Variants in POTEI observed in about 807,000 individuals in gnomAD.
The protein encoded by POTEI is POTE ankyrin domain family member I, also known as POTE ankyrin domain family, member I.
Under a neutral mutation model 43.4 loss-of-function variants are expected in POTEI, and 14 were observed. The observed-to-expected ratio is 0.32, with a 90% CI of 0.21 to 0.50. POTEI has a LOEUF of 0.50. Ranked by LOEUF, POTEI falls within the 20% of genes least tolerant of loss-of-function variation. The pLI, the probability that POTEI is intolerant of heterozygous loss-of-function variation, is 0.98. For synonymous variants in POTEI, 95 were observed against 297.9 expected, an observed-to-expected ratio of 0.32 and a Z score of 7.01; for missense variants, 235 against 795.4, an observed-to-expected ratio of 0.30 and a Z score of 8.47.
upstream of POTEI, chr2:130,509,537 G>A: frequency 1.3e-5 from 2 of 157,122 alleles, no homozygotes; most frequent in Non-Finnish European, 2.2e-5. Flanking sequence ...GCAAGGGAAC[G>A]CGAGAGAGGA....
At chr2:130,506,983 C>A (rs1420821597) in intron 1 of POTEI, among the ~76,000 whole-genome samples, 2 of 143,830 alleles carry the variant, frequency 1.4e-5, no homozygotes, top group Non-Finnish European at 3.1e-5. Flanking sequence ...TGCATATATA[C>A]ACCAGGCACG....
chr2:130,477,705 T>C (rs1297499339), intron 10 of POTEI, among the ~76,000 whole-genome samples: 1 of 134,226 alleles, frequency 7.5e-6, no homozygotes, highest in East Asian at 2.7e-4. Flanking sequence ...GCTAAATACA[T>C]GCTAGGCATT....
chr2:130,493,022 T>C (rs1161930441), intron 6 of POTEI, among the ~76,000 whole-genome samples: 4 of 143,254 alleles, frequency 2.8e-5, no homozygotes, highest in Non-Finnish European at 3.1e-5. Context: ...TATATATTGC[T>C]TTGTTTAAAG....
At chr2:130,467,597 C>A (rs1468178493) in intron 13 of POTEI, among the ~76,000 whole-genome samples, 3 of 148,710 alleles carry the variant, frequency 2.0e-5, no homozygotes, top group Admixed American at 2.0e-4. Flanking sequence ...AAAGCAAATC[C>A]AACAAAAATG....
At chr2:130,468,335 A>G (rs1456421286) in intron 13 of POTEI, among the ~76,000 whole-genome samples, 3 of 151,816 alleles carry the variant, frequency 2.0e-5, no homozygotes, top group African/African-American at 7.3e-5. Flanking sequence ...ATACATATGT[A>G]CATAGCTGAG....
intron 1 of POTEI, among the ~76,000 whole-genome samples, chr2:130,504,804 T>C (rs1684107631): frequency 6.8e-6 from 1 of 146,722 alleles, no homozygotes; most frequent in Middle Eastern, 3.4e-3. Context: ...CACTTAGATT[T>C]ATACAATGTA....
At chr2:130,478,338 C>G (rs1331026623) in intron 10 of POTEI, among the ~76,000 whole-genome samples, 1 of 24,308 alleles carries the variant, frequency 4.1e-5, no homozygotes, top group African/African-American at 1.9e-4. Flanking sequence ...GAATTCAGAG[C>G]TGTGAAAATA....
chr2:130,484,272 C>T (rs977738295), intron 9 of POTEI, among the ~76,000 whole-genome samples: 1 of 149,310 alleles, frequency 6.7e-6, no homozygotes, highest in Admixed American at 6.7e-5. Flanking sequence ...ATAAGGTTAA[C>T]AGCGCTGATG....
At chr2:130,482,412 T>C (rs1413805032) in intron 9 of POTEI, among the ~76,000 whole-genome samples, 4 of 150,592 alleles carry the variant, frequency 2.7e-5, no homozygotes, top group East Asian at 1.9e-4. Context: ...CTCTTAGGCT[T>C]AATGTCTTCT....
chr2:130,468,235 GAATA>G (rs1682911369), intron 13 of POTEI, among the ~76,000 whole-genome samples: 1 of 140,114 alleles, frequency 7.1e-6, no homozygotes, highest in African/African-American at 2.6e-5. Flanking sequence ...CTGATGAGTG[GAATA>G]AAGAAAATGG....
chr2:130,478,667 C>G, intron 10 of POTEI, among the ~76,000 whole-genome samples: 1 of 126,752 alleles, frequency 7.9e-6, no homozygotes, highest in East Asian at 2.2e-4. Context: ...TCATATGCTC[C>G]TTGCTCTTTC....
chr2:130,507,292 A>ATATATATATATATATG, intron 1 of POTEI, among the ~76,000 whole-genome samples: 7 of 9,930 alleles, frequency 7.0e-4, no homozygotes, highest in African/African-American at 8.3e-4. Flanking sequence ...ATATATATAT[A>ATATATATATATATATG]TATATATATA....
intron 1 of POTEI, among the ~76,000 whole-genome samples, chr2:130,507,388 A>ATATATG (rs1553470928): frequency 6.2e-3 from 13 of 2,094 alleles, no homozygotes; most frequent in East Asian, 0.5. Flanking sequence ...ATACATATGT[A>ATATATG]TATATATGTA....
Position 130,509,318 on chromosome 2 carries a change from G to T in POTEI, c.-83C>A. ...GTTTCACCAACTAGCAGGTAACTCC[G>T]GGTTTCCAATCTGTTTGAAGAGAAA... On this transcript the variant is annotated 5_prime_UTR_variant, in exon 1 of 15. Coordinates refer to ENST00000451531, the MANE Select transcript of POTEI (RefSeq NM_001277406.2). The T allele has an allele frequency of 4.7e-6, 3 of 635,442 alleles. No individual in the cohort carries two copies. In the South Asian group the frequency reaches 6.0e-5, roughly 13 times the overall value. The allele number at this position is 635,442 out of a possible 1,614,324, so 39.4% of individuals were successfully genotyped here. A position where few individuals can be genotyped will look rare whatever the true frequency, so the allele number is the denominator to read the frequency against.
rs1682574711 is a variant in POTEI at position 130,459,965 on chromosome 2, G to C, written c.*2851C>G. 6.9e-6 allele frequency: 1 copy of C among 145,910 alleles called. No homozygotes were observed. Among genetic ancestry groups the C allele is most frequent in the South Asian group, 2.1e-4 (1 of 4,788 alleles). 9.0% of individuals were successfully genotyped at this position (145,910 alleles called of 1,614,324 possible). A position where few individuals can be genotyped will look rare whatever the true frequency, so the allele number is the denominator to read the frequency against. ...TGTGCTGCACTCCTGTGTGCTCTCA[G>C]GGCAAGTAAAGCAAAACCCACCCGT... On this transcript the variant is annotated 3_prime_UTR_variant, in exon 15 of 15. Coordinates refer to ENST00000451531, the MANE Select transcript of POTEI (RefSeq NM_001277406.2).
At position 130,461,539 on chromosome 2, in the gene POTEI, C is replaced by T. The variant is rs1682636639; in HGVS notation, c.*1277G>A. On this transcript the variant is annotated 3_prime_UTR_variant, in exon 15 of 15. Transcript: ENST00000451531. ...CTTGTCAGCTTGGGCTCTCCAAAGCCCGCAGGCCAGAATGGCTAGTCACCG... is the reference window on the plus strand; with the variant it reads ...CTTGTCAGCTTGGGCTCTCCAAAGCTCGCAGGCCAGAATGGCTAGTCACCG... The T allele has an allele frequency of 6.6e-6, 1 of 152,230 alleles. No individual in the cohort carries two copies. Among genetic ancestry groups the T allele is most frequent in the Non-Finnish European group, 1.5e-5 (1 of 68,050 alleles). The allele number at this position is 152,230 out of a possible 1,614,324, so 9.4% of individuals were successfully genotyped here. A position where few individuals can be genotyped will look rare whatever the true frequency, so the allele number is the denominator to read the frequency against.
intron 13 of POTEI, among the ~76,000 whole-genome samples, chr2:130,468,495 T>G (rs1435294246): frequency 6.6e-6 from 1 of 151,952 alleles, no homozygotes; most frequent in Non-Finnish European, 1.5e-5. Flanking sequence ...ACCTTCTTCA[T>G]AAGGCGGCGG....
In POTEI at chr2:130,463,632, C is replaced by T. The variant is rs1041557512; in HGVS notation, c.2412G>A (p.Leu804=). The T allele has an allele frequency of 1.9e-6, 3 of 1,607,152 alleles. No individual in the cohort carries two copies. The highest frequency in any genetic ancestry group is 1.1e-5 in the South Asian group (1 of 90,646). Residue 804 remains leucine (L), a synonymous_variant, in exon 15 of 15, where the codon CTG becomes CTA. Coordinates refer to ENST00000451531, the MANE Select transcript of POTEI (RefSeq NM_001277406.2). Reference sequence around the variant, plus strand: ...TGGGGTTCAGGGGGGCCTCGGTCAGCAGGATGGGGTGCTCCTCAGGGGCCA... The same window carrying T: ...TGGGGTTCAGGGGGGCCTCGGTCAGTAGGATGGGGTGCTCCTCAGGGGCCA... ...LRVAPEEHPI[L]LTEAPLNPKA...
intron 6 of POTEI, among the ~76,000 whole-genome samples, chr2:130,494,757 C>G (rs1683859346): frequency 6.9e-6 from 1 of 145,728 alleles, no homozygotes; most frequent in Non-Finnish European, 1.5e-5. Context: ...ACAACCAAAA[C>G]AACTCTGGTT....
Sources: gnomAD v4.1 joint callset for allele counts (sites outside exome capture counted in the v4.1 genomes callset) on GRCh38, gnomAD v4.1.1 for gene constraint, MANE v1.5 for transcripts, NCBI Gene and HGNC (gene_info 2026-07-23, HGNC 2026-07-21) for gene names.